The following CCDC33 variants were observed in gnomAD, a reference collection of about 807,000 sequenced individuals.
CCDC33 encodes coiled-coil domain-containing protein 33.
Under a neutral mutation model 91.9 loss-of-function variants are expected in CCDC33, and 94 were observed. The observed-to-expected ratio is 1.02, with a 90% CI of 0.87 to 1.21. The LOEUF is 1.21. Among genes scored for constraint, CCDC33 ranks in the 50% most tolerant of loss-of-function variants. The pLI, the probability that CCDC33 is intolerant of heterozygous loss-of-function variation, is 0.00. For synonymous variants in CCDC33, 396 were observed against 374.5 expected, an observed-to-expected ratio of 1.06 and a Z score of -0.66; for missense variants, 940 against 935.5, an observed-to-expected ratio of 1.00 and a Z score of -0.06.
At chr15:74,317,073 G>C (rs1192834253) in intron 11 of CCDC33, among the ~76,000 whole-genome samples, 1 of 152,182 alleles carries the variant, frequency 6.6e-6, no homozygotes, top group Non-Finnish European at 1.5e-5. Flanking sequence ...AGAAAAAGTG[G>C]AGTGGGCCAG....
chr15:74,279,883 C>T lies in CCDC33; in HGVS notation c.760-80C>T, dbSNP rs201820602. 368 of 1,537,500 alleles carry T rather than the reference C, an allele frequency of 2.4e-4. 4 individuals carry two copies. In the South Asian group the frequency reaches 4.2e-3, roughly 18 times the overall value. The stretch of plus-strand genomic sequence containing the variant: ...GAAACATTTGTGACAAATCTAGATA[C>T]ACAAAACCAAATATCTGTGTATGCC... On this transcript the variant is annotated intron_variant, in intron 7 of 18. Coordinates refer to ENST00000398814, the MANE Select transcript of CCDC33 (RefSeq NM_025055.5).
At chr15:74,317,611 CTATT>C (rs1246393635) in intron 11 of CCDC33, among the ~76,000 whole-genome samples, 5 of 152,158 alleles carry the variant, frequency 3.3e-5, no homozygotes, top group Non-Finnish European at 2.9e-5. Flanking sequence ...TGTAAGTCAT[CTATT>C]CATTCATTAA....
intron 1 of CCDC33, among the ~76,000 whole-genome samples, chr15:74,217,839 T>C (rs923611446): frequency 6.6e-6 from 1 of 152,010 alleles, no homozygotes; most frequent in African/African-American, 2.4e-5. Flanking sequence ...AGATGAGAGA[T>C]GGCTTTGTAA....
chr15:74,306,380 T>A (rs2059894150), intron 11 of CCDC33, among the ~76,000 whole-genome samples: 1 of 152,194 alleles, frequency 6.6e-6, no homozygotes, highest in African/African-American at 2.4e-5. Context: ...TCTGCAGATG[T>A]CACTGTGATA....
chr15:74,285,984 ACGCCT>A (rs2059465912), intron 10 of CCDC33, among the ~76,000 whole-genome samples: 2 of 152,178 alleles, frequency 1.3e-5, no homozygotes, highest in African/African-American at 4.8e-5. Flanking sequence ...GCGGTGGCTC[ACGCCT>A]GTAATCCCAA....
intron 1 of CCDC33, among the ~76,000 whole-genome samples, chr15:74,204,271 C>T (rs1487244165): frequency 1.3e-5 from 2 of 152,248 alleles, no homozygotes; most frequent in Non-Finnish European, 2.9e-5. Flanking sequence ...GACTCTATCC[C>T]TCCCACCCCT....
At chr15:74,306,879 A>G in intron 11 of CCDC33, among the ~76,000 whole-genome samples, 1 of 152,172 alleles carries the variant, frequency 6.6e-6, no homozygotes, top group Non-Finnish European at 1.5e-5. Context: ...ATCAGGAGAC[A>G]TGGAGTCAGT....
At chr15:74,311,411 C>T (rs2059991359) in intron 11 of CCDC33, 1 of 152,212 alleles carries the variant, frequency 6.6e-6, no homozygotes, top group Non-Finnish European at 1.5e-5. Flanking sequence ...GCCTAGGATT[C>T]AGGCCTGGAG....
chr15:74,327,734 G>A (rs998485143), intron 11 of CCDC33, among the ~76,000 whole-genome samples: 1 of 152,242 alleles, frequency 6.6e-6, no homozygotes, highest in Non-Finnish European at 1.5e-5. Context: ...AATGAGAAGA[G>A]GGGGTGATCA....
intron 1 of CCDC33, chr15:74,208,998 TCC>T: frequency 9.7e-7 from 1 of 1,028,742 alleles, no homozygotes; most frequent in Non-Finnish European, 1.2e-6. Context: ...CTGAGAAGTG[TCC>T]CCAGCACCTG....
At chr15:74,295,985 G>A (rs1283999702) in intron 11 of CCDC33, 37 bp downstream of exon 11, 12 of 1,555,682 alleles carry the variant, frequency 7.7e-6, no homozygotes, top group Non-Finnish European at 1.0e-5. Flanking sequence ...GGCCGGGGCA[G>A]TGATGAGGCC....
Position 74,244,055 on chromosome 15 carries a change from C to T in CCDC33, c.92C>T (p.Pro31Leu), listed in dbSNP as rs1352054670. 1.1e-5 allele frequency: 17 copies of T among 1,570,292 alleles called. No individual in the cohort carries two copies. In the Admixed American group the frequency reaches 1.2e-4, roughly 11 times the overall value. Residue 31 changes from proline to leucine, a missense_variant, in exon 2 of 19, where the codon CCC becomes CTC. Coordinates refer to ENST00000398814, the MANE Select transcript of CCDC33 (RefSeq NM_025055.5). The surrounding 1 kb of genome is among the most constrained non-coding windows in gnomAD (Gnocchi z 4.2). ...GAACCTGAGATCGGTCACCTGTCTC[C>T]CTCTAAGAAGGAGACCATCATGGTC... ...STEPEIGHLS[P>L]SKKETIMVTL...
intron 11 of CCDC33, chr15:74,302,035 C>T (rs1399371634): frequency 6.6e-6 from 1 of 152,292 alleles, no homozygotes; most frequent in East Asian, 1.9e-4. Flanking sequence ...GTTTTTCCAA[C>T]CTCCTTACAC....
At chr15:74,257,221 G>A (rs576317287) in intron 2 of CCDC33, among the ~76,000 whole-genome samples, 22 of 152,330 alleles carry the variant, frequency 1.4e-4, no homozygotes, top group East Asian at 3.9e-4. Context: ...AGTCCCTCGC[G>A]TTGCTGAGAA....
intron 7 of CCDC33, among the ~76,000 whole-genome samples, chr15:74,275,822 A>G (rs954307712): frequency 1.8e-4 from 28 of 152,224 alleles, no homozygotes; most frequent in African/African-American, 6.3e-4. Flanking sequence ...GGCGAGCGCC[A>G]CCATGCCCAG....
intron 11 of CCDC33, among the ~76,000 whole-genome samples, chr15:74,314,661 C>T (rs1161906926): frequency 6.6e-6 from 1 of 152,200 alleles, no homozygotes; most frequent in Non-Finnish European, 1.5e-5. Flanking sequence ...TTCCTGCAGA[C>T]AGCTCCAAGC....
upstream of CCDC33, chr15:74,217,187 GC>G (rs548773040): frequency 7.3e-4 from 764 of 1,051,334 alleles, 1 homozygote; most frequent in Middle Eastern, 3.2e-3. Context: ...TGAGCACCCA[GC>G]CTGCAGGCTT....
At chr15:74,329,838 A>G (rs1053221353) in intron 11 of CCDC33, among the ~76,000 whole-genome samples, 2 of 152,216 alleles carry the variant, frequency 1.3e-5, no homozygotes, top group African/African-American at 4.8e-5. Flanking sequence ...AGAAATAGCT[A>G]TGATCGAGCC....
Position 74,331,261 on chromosome 15 carries a change from C to G in CCDC33, c.1736C>G (p.Pro579Arg), listed in dbSNP as rs191686626. The G allele has an allele frequency of 3.7e-6, 6 of 1,614,014 alleles. No homozygotes were observed. Among genetic ancestry groups the G allele is most frequent in the Admixed American group, 1.7e-5 (1 of 60,010 alleles). Residue 579 changes from proline to arginine, a missense_variant, in exon 15 of 19, where the codon CCT (proline) becomes CGT (arginine). Transcript: ENST00000398814. ...AGGCTGCAGGACAGGAGCAAGCCCC[C>G]TCCTCTGAACAGGCAGCAGGGAAAG... ...EDRLQDRSKPPPLNRQQGKPY... is the reference protein window; with the variant it reads ...EDRLQDRSKPRPLNRQQGKPY...
Sources: gnomAD v4.1 joint callset for allele counts (sites outside exome capture counted in the v4.1 genomes callset) on GRCh38, gnomAD v4.1.1 for gene constraint, Gnocchi (gnomAD v3.1) non-coding constraint, MANE v1.5 for transcripts, NCBI Gene and HGNC (gene_info 2026-07-23, HGNC 2026-07-21) for gene names.